Variants in SEMA5A observed in about 807,000 individuals in gnomAD.
SEMA5A encodes semaphorin-5A.
Under a neutral mutation model 135.5 loss-of-function variants are expected in SEMA5A, and 55 were observed. That is an observed-to-expected ratio of 0.41 (90% CI 0.33 to 0.51). The LOEUF (loss-of-function observed/expected upper bound fraction) is 0.51, where lower values mean the gene tolerates loss of function less well. SEMA5A is among the 20% of genes least tolerant of loss of function. SEMA5A has a pLI of 0.37. For missense variants in SEMA5A, 1,290 were observed against 1,419.9 expected (o/e 0.91, Z 1.47); for synonymous variants, 580 against 546.5 (o/e 1.06, Z -0.85).
At chr5:9,318,889 G>A (rs1407836778) in intron 4 of SEMA5A, among the ~76,000 whole-genome samples, 7 of 152,144 alleles carry the variant, frequency 4.6e-5, no homozygotes, top group South Asian at 2.1e-4. Flanking sequence ...GATTCAGTAC[G>A]TAATAAACGT....
intron 8 of SEMA5A, among the ~76,000 whole-genome samples, chr5:9,220,825 T>C (rs996363250): frequency 1.3e-5 from 2 of 152,152 alleles, no homozygotes; most frequent in Non-Finnish European, 2.9e-5. Flanking sequence ...AAATCGGTCC[T>C]CAAATAATGT....
chr5:9,257,723 C>T (rs1749153345), intron 5 of SEMA5A, among the ~76,000 whole-genome samples: 1 of 152,136 alleles, frequency 6.6e-6, no homozygotes, highest in Non-Finnish European at 1.5e-5. Context: ...TCAGAACCCC[C>T]AGCATTACAA....
At chr5:9,265,309 C>T in intron 5 of SEMA5A, 2 of 396,364 alleles carry the variant, frequency 5.0e-6, no homozygotes, top group Non-Finnish European at 5.1e-6. Context: ...CAAATAACCT[C>T]CTTATTAGAA....
At chr5:9,057,690 G>A (rs1736965673) in intron 18 of SEMA5A, among the ~76,000 whole-genome samples, 1 of 152,230 alleles carries the variant, frequency 6.6e-6, no homozygotes, top group Admixed American at 6.5e-5. Flanking sequence ...AATTTCAGCA[G>A]TCAAAGAACT....
At chr5:9,169,732 A>G (rs1443947741) in intron 11 of SEMA5A, among the ~76,000 whole-genome samples, 1 of 152,170 alleles carries the variant, frequency 6.6e-6, no homozygotes, top group East Asian at 1.9e-4. Context: ...CAGCTGCTTC[A>G]TGACAAGGAA....
chr5:9,393,587 A>G (rs1225610075), intron 2 of SEMA5A, among the ~76,000 whole-genome samples: 1 of 152,236 alleles, frequency 6.6e-6, no homozygotes, highest in Non-Finnish European at 1.5e-5. Flanking sequence ...GTTAATTTGA[A>G]AGAACTTAGA....
At chr5:9,464,052 T>C (rs1015042480) in intron 1 of SEMA5A, among the ~76,000 whole-genome samples, 12 of 152,298 alleles carry the variant, frequency 7.9e-5, no homozygotes, top group African/African-American at 2.9e-4. Flanking sequence ...ATGGGGGAGC[T>C]GGTCTGTGCA....
At chr5:9,373,635 G>A (rs546468154) in intron 3 of SEMA5A, among the ~76,000 whole-genome samples, 3 of 152,272 alleles carry the variant, frequency 2.0e-5, no homozygotes, top group Admixed American at 1.3e-4. Flanking sequence ...GATAAAGATC[G>A]CTGGGACCTG....
intron 11 of SEMA5A, among the ~76,000 whole-genome samples, chr5:9,182,153 C>CCG (rs1348054695): frequency 7.8e-6 from 1 of 128,956 alleles, no homozygotes; most frequent in Non-Finnish European, 1.7e-5. Context: ...GCTTCTGCCC[C>CCG]CCACCCCAAA....
In SEMA5A at chr5:9,036,057, T is replaced by A. The variant is rs1735639410; in HGVS notation, c.*6840A>T. ...ATGAGGCATTTAACATTTGATAACA[T>A]CTTTAAAAGTTACATCAAGCGGCAT... is the stretch of plus-strand genomic sequence containing the variant. On this transcript the variant is annotated 3_prime_UTR_variant, in exon 23 of 23. Coordinates refer to ENST00000382496, the MANE Select transcript of SEMA5A (RefSeq NM_003966.3). 1 of 151,350 alleles carries A rather than the reference T, an allele frequency of 6.6e-6. No homozygotes were observed. Among genetic ancestry groups the A allele is most frequent in the African/African-American group, 2.4e-5 (1 of 41,180 alleles). The allele number at this position is 151,350 out of a possible 1,614,324, so 9.4% of individuals were successfully genotyped here. A position where few individuals can be genotyped will look rare whatever the true frequency, so the allele number is the denominator to read the frequency against.
rs377099937 is a variant in SEMA5A, at chr5:9,138,067, C to T, written c.1482-1446G>A. On this transcript the variant is annotated intron_variant, in intron 12 of 22. Transcript: ENST00000382496. Reference sequence around the variant, plus strand: ...TTATACAATTGTCATTTATTAATTACCTAAAGAAGTGCAAATGATTTAAAA... The same window carrying T: ...TTATACAATTGTCATTTATTAATTATCTAAAGAAGTGCAAATGATTTAAAA... Among the ~76,000 whole-genome samples, 50 of 152,108 alleles carry T rather than the reference C, an allele frequency of 3.3e-4. No individual in the cohort carries two copies. The South Asian group carries it at 0.01, about 32-fold the overall frequency.
chr5:9,413,974 C>G (rs1757194914), intron 2 of SEMA5A, among the ~76,000 whole-genome samples: 7 of 152,142 alleles, frequency 4.6e-5, no homozygotes, highest in Admixed American at 4.6e-4. Context: ...AAATAAAACT[C>G]ATCAGAGAAG....
chr5:9,056,662 C>A (rs545343160), intron 18 of SEMA5A, among the ~76,000 whole-genome samples: 4 of 152,164 alleles, frequency 2.6e-5, no homozygotes, highest in Non-Finnish European at 4.4e-5. Context: ...GCGGAGGTTG[C>A]GGTGAGCTGA....
chr5:9,199,909 G>A (rs547566805), intron 9 of SEMA5A, among the ~76,000 whole-genome samples: 34 of 152,218 alleles, frequency 2.2e-4, no homozygotes, highest in South Asian at 6.2e-4. Context: ...AGAAGGAGTC[G>A]GAATGGTTAT....
At chr5:9,375,624 C>T (rs2126459216) in intron 3 of SEMA5A, among the ~76,000 whole-genome samples, 1 of 148,796 alleles carries the variant, frequency 6.7e-6, no homozygotes, top group South Asian at 2.2e-4. Context: ...TAATTTGTTA[C>T]AGCAGCCCTA....
intron 1 of SEMA5A, among the ~76,000 whole-genome samples, chr5:9,488,408 T>C (rs1243442796): frequency 6.6e-6 from 1 of 152,200 alleles, no homozygotes; most frequent in African/African-American, 2.4e-5. Context: ...AGATGCAAAA[T>C]ATGCTGCCTT....
chr5:9,431,793 C>G (rs1008590380), intron 2 of SEMA5A, among the ~76,000 whole-genome samples: 2 of 152,148 alleles, frequency 1.3e-5, no homozygotes, highest in African/African-American at 4.8e-5. Context: ...AGCAATTAAC[C>G]CCACACACAT....
rs143218926 is a variant in SEMA5A at position 9,195,559 on chromosome 5, T to C, written c.1068+1609A>G. ...AAAATTTACTCCTAAACTATTTGCA[T>C]GCATTTTTATCCCTTTCCCCCTTTG... On this transcript the variant is annotated intron_variant, in intron 10 of 22. Coordinates refer to ENST00000382496, the MANE Select transcript of SEMA5A (RefSeq NM_003966.3). Among the ~76,000 whole-genome samples the C allele has an allele frequency of 3.2e-3, 494 of 152,358 alleles. 3 individuals are homozygous for C. Among genetic ancestry groups the C allele is most frequent in the African/African-American group, 0.012 (480 of 41,586 alleles).
intron 2 of SEMA5A, among the ~76,000 whole-genome samples, chr5:9,407,918 C>T (rs1756949892): frequency 6.6e-6 from 1 of 151,942 alleles, no homozygotes. Flanking sequence ...ACCAATACCA[C>T]TACCATGACC....
Sources: gnomAD v4.1 joint callset for allele counts (sites outside exome capture counted in the v4.1 genomes callset) on GRCh38, gnomAD v4.1.1 for gene constraint, MANE v1.5 for transcripts, NCBI Gene and HGNC (gene_info 2026-07-23, HGNC 2026-07-21) for gene names.